Variants in ENAM observed in about 807,000 individuals in gnomAD.
ENAM encodes the protein enamelin.
ENAM carries 21 observed loss-of-function variants against 33.6 expected under a neutral mutation model. That is an observed-to-expected ratio of 0.63 (90% CI 0.44 to 0.90). The LOEUF is 0.90. Ranked by LOEUF, ENAM falls within the 40% of genes least tolerant of loss-of-function variation. The pLI is 0.00. For missense variants in ENAM, 1,388 were observed against 1,366.9 expected (o/e 1.02, Z -0.24); for synonymous variants, 473 against 468.4 (o/e 1.01, Z -0.13).
At position 70,631,661 on chromosome 4, in the gene ENAM, T is replaced by G. The variant is rs764340194; in HGVS notation, c.55-9T>G. On this transcript the variant is annotated splice_polypyrimidine_tract_variant and intron_variant, in intron 2 of 8. Transcript: ENST00000396073. ...CAGACCAAAAATAAAAATCAATTTT[T>G]TATTCTAGGTACCAAAAGGCAAAAT... 5 of 1,604,120 alleles carry G rather than the reference T, an allele frequency of 3.1e-6. No individual in the cohort carries two copies. In the Admixed American group the frequency reaches 5.0e-5, roughly 16 times the overall value.
intron 5 of ENAM, among the ~76,000 whole-genome samples, chr4:70,633,497 G>A (rs1487714634): frequency 6.6e-6 from 1 of 151,986 alleles, no homozygotes; most frequent in Non-Finnish European, 1.5e-5. Flanking sequence ...TGCAATATTT[G>A]CAATTTTGAA....
In ENAM at chr4:70,643,371, G is replaced by T. The variant is rs199541879; in HGVS notation, c.1945G>T (p.Val649Phe). ...AAATACCCCAGACCAGAAGGAGATA[G>T]TCCCTTATAATGAAGAGGACCCAGT... ...PINTPDQKEI[V>F]PYNEEDPVDP... Residue 649 changes from valine to phenylalanine, a missense_variant, in exon 9 of 9, where the codon GTC becomes TTC. Physicochemically the swap from Val to Phe is conservative, Grantham distance 50. Coordinates refer to ENST00000396073, the MANE Select transcript of ENAM (RefSeq NM_031889.3). 4 of 1,613,972 alleles carry T rather than the reference G, an allele frequency of 2.5e-6. No individual in the cohort carries two copies. Among genetic ancestry groups the T allele is most frequent in the Admixed American group, 1.7e-5 (1 of 60,000 alleles).
At position 70,643,668 on chromosome 4, in the gene ENAM, G is replaced by C. The variant is rs756300242; in HGVS notation, c.2242G>C (p.Val748Leu). Residue 748 changes from valine to leucine, a missense_variant, in exon 9 of 9, where the codon GTT becomes CTT. Coordinates refer to ENST00000396073, the MANE Select transcript of ENAM (RefSeq NM_031889.3). ...PPPIESRGYY[V>L]NNAAGPEEST... ...ACCTATAGAGAGCAGGGGCTACTAC[G>C]TTAATAATGCCGCTGGACCAGAAGA... The C allele has an allele frequency of 1.2e-6, 2 of 1,614,070 alleles. No individual in the cohort carries two copies. The highest frequency in any genetic ancestry group is 4.5e-5 in the East Asian group (2 of 44,882).
Position 70,635,821 on chromosome 4 carries a change from T to G in ENAM, c.472-11T>G, listed in dbSNP as rs750284069. ...AATACCACATCACTCTGATTCTTTC[T>G]TTCTCTCTAGGCATTCCCACCATTT... is the stretch of plus-strand genomic sequence containing the variant. On this transcript the variant is annotated splice_polypyrimidine_tract_variant and intron_variant, in intron 6 of 8. Coordinates refer to ENST00000396073, the MANE Select transcript of ENAM (RefSeq NM_031889.3). The G allele has an allele frequency of 6.4e-7, 1 of 1,565,620 alleles. No individual in the cohort carries two copies. The highest frequency in any genetic ancestry group is 1.1e-5 in the South Asian group (1 of 89,760).
intron 8 of ENAM, among the ~76,000 whole-genome samples, chr4:70,638,449 CTTTTTTT>C (rs766513652): frequency 5.1e-5 from 3 of 58,902 alleles, no homozygotes; most frequent in East Asian, 9.5e-4. Flanking sequence ...ACAGATTGTT[CTTTTTTT>C]TTTTTTTTTT....
At position 70,634,321 on chromosome 4, in the gene ENAM, G is replaced by A; in HGVS notation, c.224G>A (p.Gly75Glu). 1 of 1,613,984 alleles carries A rather than the reference G, an allele frequency of 6.2e-7. No individual in the cohort carries two copies. The highest frequency in any genetic ancestry group is 8.5e-7 in the Non-Finnish European group (1 of 1,179,944). ...FMNGPHMAHL[G>E]PFFGNGLPQQ... ...CTACCCTTTCAGATGGCACACCTGG[G>A]GCCCTTCTTTGGAAACGGTCTCCCT... The change falls in exon 6 of 9, where the codon GGG becomes GAG. Residue 75 changes from glycine (G) to glutamate (E), a missense_variant. Gly to Glu is a moderately conservative substitution (Grantham distance 98). Coordinates refer to ENST00000396073, the MANE Select transcript of ENAM (RefSeq NM_031889.3).
chr4:70,644,749 T>C lies in ENAM; in HGVS notation c.3323T>C (p.Ile1108Thr), dbSNP rs752657519. 5 of 1,613,902 alleles carry C rather than the reference T, an allele frequency of 3.1e-6. No individual in the cohort carries two copies. The East Asian group carries it at 1.1e-4, about 36-fold the overall frequency. ...ELATEEQFKS[I>T]NVDPLDADEH... ...GCTACTGAGGAACAATTTAAGAGTA[T>C]AAATGTAGACCCACTTGATGCAGAT... The change falls in exon 9 of 9, where the codon ATA (isoleucine) becomes ACA (threonine). Residue 1108 changes from isoleucine (I) to threonine (T), a missense_variant. By Grantham distance (89) the Ile-to-Thr change is moderately conservative. Coordinates refer to ENST00000396073, the MANE Select transcript of ENAM (RefSeq NM_031889.3).
Position 70,645,214 on chromosome 4 carries a change from C to G in ENAM, c.*359C>G. On this transcript the variant is annotated 3_prime_UTR_variant, in exon 9 of 9. Transcript: ENST00000396073. ...AAATTGGTTTTTCAAGACTGAAAGG[C>G]AGATTAACTTTCCATTCTACTTATG... is the stretch of plus-strand genomic sequence containing the variant. The G allele has an allele frequency of 2.3e-6, 1 of 439,662 alleles. No individual in the cohort carries two copies. 27.2% of individuals were successfully genotyped at this position (439,662 alleles called of 1,614,324 possible).
intron 2 of ENAM, among the ~76,000 whole-genome samples, chr4:70,631,032 C>T (rs970313721): frequency 1.3e-5 from 2 of 152,020 alleles, no homozygotes; most frequent in South Asian, 2.1e-4. Context: ...TGAGCCACCG[C>T]GCCTGGCCAC....
Position 70,631,753 on chromosome 4 carries a change from A to G in ENAM, c.123+15A>G. On this transcript the variant is annotated intron_variant, in intron 3 of 8. Coordinates refer to ENST00000396073, the MANE Select transcript of ENAM (RefSeq NM_031889.3). ...TTGCTATGCCAGTGAGTATTTTTTAAATGTTAGCTCTTCTCTTTGTGTTCC... is the reference window on the plus strand; with the variant it reads ...TTGCTATGCCAGTGAGTATTTTTTAGATGTTAGCTCTTCTCTTTGTGTTCC... The G allele has an allele frequency of 2.5e-6, 4 of 1,611,046 alleles. No homozygotes were observed. The highest frequency in any genetic ancestry group is 3.4e-6 in the Non-Finnish European group (4 of 1,177,234).
chr4:70,633,309 C>G (rs1738371781), intron 5 of ENAM, among the ~76,000 whole-genome samples: 2 of 152,090 alleles, frequency 1.3e-5, no homozygotes, highest in South Asian at 2.1e-4. Context: ...TTTTTGTAAC[C>G]CTTTTTATCC....
rs752933684 is a variant in ENAM, at chr4:70,643,936, G to C, written c.2510G>C (p.Arg837Thr). 5.6e-6 allele frequency: 9 copies of C among 1,614,118 alleles called. No individual in the cohort carries two copies. The highest frequency in any genetic ancestry group is 7.6e-6 in the Non-Finnish European group (9 of 1,179,994). ...ENLNYGMQIT[R>T]MNSPEREHSS... ...TTGAACTATGGCATGCAAATAACTA[G>C]GATGAATTCTCCAGAGAGAGAACAT... Residue 837 changes from arginine to threonine, a missense_variant, in exon 9 of 9, where the codon AGG (arginine) becomes ACG (threonine). Transcript: ENST00000396073.
At chr4:70,633,835 C>T (rs902846697) in intron 5 of ENAM, among the ~76,000 whole-genome samples, 6 of 152,158 alleles carry the variant, frequency 3.9e-5, no homozygotes, top group South Asian at 2.1e-4. Context: ...AGTGTGTTTA[C>T]ACAGACTGAA....
rs1442262635 is a variant in ENAM at position 70,643,585 on chromosome 4, A to G, written c.2159A>G (p.Tyr720Cys). The G allele has an allele frequency of 6.2e-7, 1 of 1,614,098 alleles. No individual in the cohort carries two copies. The highest frequency in any genetic ancestry group is 1.7e-5 in the Admixed American group (1 of 60,018). Residue 720 changes from tyrosine (Y) to cysteine (C), a missense_variant, in exon 9 of 9, where the codon TAC becomes TGC. Transcript: ENST00000396073. ...GAGGATTTTTATTACAGTGAATTTT[A>G]CCCATGGAGCCCGGATGAGAATTTT... ...PREDFYYSEF[Y>C]PWSPDENFPS...
intron 6 of ENAM, among the ~76,000 whole-genome samples, chr4:70,635,031 A>T (rs1738416129): frequency 6.6e-6 from 1 of 152,184 alleles, no homozygotes; most frequent in South Asian, 2.1e-4. Context: ...AGGTAAGAAG[A>T]TGTGCAAATG....
At chr4:70,632,624 C>G in intron 4 of ENAM, 27 bp from the exon 5 acceptor site, 2 of 1,522,576 alleles carry the variant, frequency 1.3e-6, no homozygotes, top group Non-Finnish European at 1.8e-6. Flanking sequence ...CACTTTGTAT[C>G]ACATTAATGG....
At position 70,629,515 on chromosome 4, in the gene ENAM, G is replaced by T; in HGVS notation, c.15G>T (p.Arg5=). Residue 5 remains arginine, a synonymous_variant, in exon 2 of 9, where the codon CGG becomes CGT. Transcript: ENST00000396073. MLVL[R]CRLGTSFPKL... ...TGCTGAAAAAAATGTTGGTGCTTCG[G>T]TGCAGGCTTGGAACCTCTTTTCCTA... 3 of 1,613,400 alleles carry T rather than the reference G, an allele frequency of 1.9e-6. No individual in the cohort carries two copies. The highest frequency in any genetic ancestry group is 2.5e-6 in the Non-Finnish European group (3 of 1,179,532).
At chr4:70,632,886 T>C (rs1738364176) in intron 5 of ENAM, among the ~76,000 whole-genome samples, 194 bp downstream of exon 5, 1 of 152,158 alleles carries the variant, frequency 6.6e-6, no homozygotes, top group Non-Finnish European at 1.5e-5. Context: ...ATTACTATTG[T>C]TCTTTCATGT....
chr4:70,629,566 C>A lies in ENAM; in HGVS notation c.54+12C>A. The A allele has an allele frequency of 6.2e-7, 1 of 1,604,832 alleles. No homozygotes were observed. Among genetic ancestry groups the A allele is most frequent in the Non-Finnish European group, 8.5e-7 (1 of 1,171,742 alleles). On this transcript the variant is annotated intron_variant, in intron 2 of 8. Transcript: ENST00000396073. ...AACTAGATAACTTGGTGAGTACTTT[C>A]ATTTATTTTTGCCAATACATACAGG...
Sources: gnomAD v4.1 joint callset for allele counts (sites outside exome capture counted in the v4.1 genomes callset) on GRCh38, gnomAD v4.1.1 for gene constraint, MANE v1.5 for transcripts, NCBI Gene and HGNC (gene_info 2026-07-23, HGNC 2026-07-21) for gene names.